The following GALNT13 variants were observed in gnomAD, a reference collection of about 807,000 sequenced individuals.
GALNT13 encodes the protein polypeptide N-acetylgalactosaminyltransferase 13, also known as UDP-GalNAc:polypeptide N-acetylgalactosaminyltransferase 13.
In GALNT13, 28 loss-of-function variants were observed where a neutral mutation model predicts 64.2. The ratio of observed to expected loss-of-function variants is 0.44; its 90% CI spans 0.32 to 0.60. The LOEUF is 0.60. Among genes scored for constraint, GALNT13 ranks in the 20% least tolerant of loss-of-function variants. GALNT13 has a pLI of 0.05. For missense variants in GALNT13, 577 were observed against 669.8 expected (o/e 0.86, Z 1.53); for synonymous variants, 214 against 224.6 (o/e 0.95, Z 0.42).
At chr2:154,000,952 T>C (rs922767094) in intron 3 of GALNT13, among the ~76,000 whole-genome samples, 1 of 152,012 alleles carries the variant, frequency 6.6e-6, no homozygotes, top group Non-Finnish European at 1.5e-5. Flanking sequence ...GTGTATTTGC[T>C]GTATATATTT....
intron 8 of GALNT13, among the ~76,000 whole-genome samples, chr2:154,288,673 A>G (rs960091851): frequency 3.9e-5 from 6 of 152,198 alleles, no homozygotes; most frequent in Non-Finnish European, 5.9e-5. Context: ...TGGGGCAGTG[A>G]AATCTTAAAG....
chr2:153,950,566 T>C (rs757921183), intron 3 of GALNT13, among the ~76,000 whole-genome samples: 14 of 152,220 alleles, frequency 9.2e-5, no homozygotes, highest in South Asian at 2.1e-4. Flanking sequence ...TCAGCACTTA[T>C]AGTCATATAC....
the GALNT13 span, among the ~76,000 whole-genome samples, chr2:153,444,836 G>C: frequency 1.3e-5 from 2 of 152,066 alleles, no homozygotes; most frequent in African/African-American, 4.8e-5. Context: ...CATTCACCTG[G>C]TGAAGGACAT....
At chr2:153,736,327 G>T in the GALNT13 span, among the ~76,000 whole-genome samples, 2 of 152,138 alleles carry the variant, frequency 1.3e-5, no homozygotes, top group East Asian at 3.9e-4. Context: ...GAGCCCTTCA[G>T]GATAGCTCCT....
At chr2:153,627,969 C>A in the GALNT13 span, among the ~76,000 whole-genome samples, 2 of 152,216 alleles carry the variant, frequency 1.3e-5, no homozygotes, top group African/African-American at 2.4e-5. Flanking sequence ...GATATTGATT[C>A]TTCCCACCCA....
At chr2:153,566,348 G>GTTTTTTTTTTTTTTTTTTTT in the GALNT13 span, among the ~76,000 whole-genome samples, 66 of 74,782 alleles carry the variant, frequency 8.8e-4, 8 homozygotes, top group African/African-American at 2.7e-3. Flanking sequence ...TTCTAATCAC[G>GTTTTTTTTTTTTTTTTTTTT]TTTTTTTTTT....
the GALNT13 span, among the ~76,000 whole-genome samples, chr2:153,541,454 CTTCT>C: frequency 4.6e-5 from 7 of 152,288 alleles, no homozygotes; most frequent in East Asian, 1.2e-3. Context: ...TCTCATTTCT[CTTCT>C]TTCTCAAGGC....
Position 154,030,222 on chromosome 2 carries a change from A to C in GALNT13, c.142+85583A>C, listed in dbSNP as rs566278055. Reference sequence around the variant, plus strand: ...GAAGCTCAGAGAACGATACACACATAAACACATGTATAAAAAGGAACCCAT... The same window carrying C: ...GAAGCTCAGAGAACGATACACACATCAACACATGTATAAAAAGGAACCCAT... On this transcript the variant is annotated intron_variant, in intron 3 of 12. Transcript: ENST00000392825. Among the ~76,000 whole-genome samples, 7 of 152,274 alleles carry C rather than the reference A, an allele frequency of 4.6e-5. No homozygotes were observed. The South Asian group carries it at 1.4e-3, about 32-fold the overall frequency.
chr2:154,422,147 A>G (rs1174508733), intron 11 of GALNT13, among the ~76,000 whole-genome samples: 1 of 152,152 alleles, frequency 6.6e-6, no homozygotes, highest in Admixed American at 6.6e-5. Flanking sequence ...ATGTCAAGCA[A>G]GGGAATTTTG....
the GALNT13 span, among the ~76,000 whole-genome samples, chr2:153,393,742 T>C: frequency 6.6e-6 from 1 of 151,990 alleles, no homozygotes; most frequent in Non-Finnish European, 1.5e-5. Flanking sequence ...ATCTAATCAG[T>C]TGATGGCCTT....
At chr2:154,087,726 TC>T (rs1701604199) in intron 3 of GALNT13, among the ~76,000 whole-genome samples, 1 of 152,102 alleles carries the variant, frequency 6.6e-6, no homozygotes, top group African/African-American at 2.4e-5. Context: ...TATATGTGGT[TC>T]ATCTTCCTGA....
chr2:153,907,615 C>T (rs1245554947), intron 2 of GALNT13, among the ~76,000 whole-genome samples: 4 of 151,874 alleles, frequency 2.6e-5, no homozygotes, highest in Non-Finnish European at 5.9e-5. Flanking sequence ...TCCATGTGTT[C>T]TGATCACTTA....
intron 2 of GALNT13, among the ~76,000 whole-genome samples, chr2:153,908,828 C>A (rs776902913): frequency 6.6e-5 from 10 of 151,964 alleles, no homozygotes; most frequent in Non-Finnish European, 1.5e-5. Context: ...TAACATAATG[C>A]GTCCAACTTT....
chr2:153,591,609 C>T, the GALNT13 span, among the ~76,000 whole-genome samples: 1 of 151,876 alleles, frequency 6.6e-6, no homozygotes, highest in African/African-American at 2.4e-5. Flanking sequence ...CATATATCAA[C>T]AGAACAAAAT....
chr2:153,078,318 C>CTTT, the GALNT13 span, among the ~76,000 whole-genome samples: 3 of 134,012 alleles, frequency 2.2e-5, no homozygotes, highest in South Asian at 2.3e-4. Flanking sequence ...CCTTTTCATT[C>CTTT]TTTTTTTTTT....
chr2:154,227,498 AG>A (rs1315482314), intron 4 of GALNT13, among the ~76,000 whole-genome samples: 5 of 103,208 alleles, frequency 4.8e-5, no homozygotes, highest in Non-Finnish European at 9.0e-5. Flanking sequence ...ACCCCACAAC[AG>A]GCCCCAGAGT....
chr2:154,322,403 G>A (rs1694672784), intron 9 of GALNT13, among the ~76,000 whole-genome samples: 1 of 151,732 alleles, frequency 6.6e-6, no homozygotes, highest in Non-Finnish European at 1.5e-5. Context: ...CTCTGACTCT[G>A]GCCTTTTAAA....
intron 9 of GALNT13, among the ~76,000 whole-genome samples, chr2:154,354,864 T>C (rs574562645): frequency 6.6e-6 from 1 of 152,230 alleles, no homozygotes; most frequent in African/African-American, 2.4e-5. Flanking sequence ...TCTCTACTGC[T>C]TCTTCATGTC....
chr2:154,284,659 T>C (rs1358497663), intron 8 of GALNT13, among the ~76,000 whole-genome samples: 2 of 152,132 alleles, frequency 1.3e-5, no homozygotes, highest in South Asian at 2.1e-4. Context: ...CACATGAGAA[T>C]GCAGATATCT....
Sources: allele counts gnomAD v4.1 joint callset (sites outside exome capture counted in the v4.1 genomes callset), GRCh38; gene constraint gnomAD v4.1.1; transcripts MANE v1.5; gene names NCBI Gene and HGNC (gene_info 2026-07-23, HGNC 2026-07-21).